Variants in RSBN1L observed in about 807,000 individuals in gnomAD.
RSBN1L encodes lysine-specific demethylase RSBN1L.
Under a neutral mutation model 67.7 loss-of-function variants are expected in RSBN1L, and 30 were observed. The ratio of observed to expected loss-of-function variants is 0.44; its 90% CI spans 0.33 to 0.60. The LOEUF is 0.60. RSBN1L is among the 20% of genes least tolerant of loss of function. RSBN1L has a pLI of 0.02. For synonymous variants in RSBN1L, 433 were observed against 387.0 expected, an observed-to-expected ratio of 1.12 and a Z score of -1.39; for missense variants, 992 against 1,031.7, an observed-to-expected ratio of 0.96 and a Z score of 0.53.
At chr7:77,748,345 G>T (rs1791510649) in intron 2 of RSBN1L, among the ~76,000 whole-genome samples, 1 of 152,148 alleles carries the variant, frequency 6.6e-6, no homozygotes, top group African/African-American at 2.4e-5. Flanking sequence ...CAGAAAAAAT[G>T]ACTTGAGTAA....
intron 1 of RSBN1L, among the ~76,000 whole-genome samples, chr7:77,701,032 C>T (rs534503502): frequency 2.0e-5 from 3 of 151,928 alleles, no homozygotes; most frequent in East Asian, 3.9e-4. Context: ...GCGGCACGCA[C>T]CTATAGTCTC....
At chr7:77,740,985 C>CTTT (rs869081974) in intron 2 of RSBN1L, among the ~76,000 whole-genome samples, 26 of 102,934 alleles carry the variant, frequency 2.5e-4, no homozygotes, top group Admixed American at 2.9e-4. Flanking sequence ...CTTTTCTTTT[C>CTTT]TTTTTTTTTT....
chr7:77,704,229 T>G (rs1283964300), intron 1 of RSBN1L, among the ~76,000 whole-genome samples: 1 of 152,226 alleles, frequency 6.6e-6, no homozygotes. Flanking sequence ...ACTAACTTTT[T>G]GAAAGAAGTT....
chr7:77,755,473 C>T (rs1482505513), intron 3 of RSBN1L, among the ~76,000 whole-genome samples: 1 of 152,004 alleles, frequency 6.6e-6, no homozygotes, highest in Non-Finnish European at 1.5e-5. Flanking sequence ...AGAGACCAGC[C>T]TGGCTAACAT....
chr7:77,767,033 TTTCCCCTTCCC>T lies in RSBN1L; in HGVS notation c.1482+1413_1482+1423del, dbSNP rs1232092127. Among the ~76,000 whole-genome samples the T allele has an allele frequency of 6.4e-5, 8 of 125,476 alleles. No homozygotes were observed. In the South Asian group the frequency reaches 9.2e-4, roughly 14 times the overall value. 82.3% of individuals were successfully genotyped at this position (125,476 alleles called of 152,430 possible). On this transcript the variant is annotated intron_variant, in intron 4 of 7. Coordinates refer to ENST00000334955, the MANE Select transcript of RSBN1L (RefSeq NM_198467.3). ...TCCTTTCCTTCCCCTTCCCCTTCCCTTTCCCCTTCCCTTCCCCTTCCCCTTCCCTTTCCCCT... is the reference window on the plus strand; with the variant it reads ...TCCTTTCCTTCCCCTTCCCCTTCCCTTTCCCCTTCCCCTTCCCTTTCCCCT...
At chr7:77,701,168 A>AAAAAAC (rs1790812622) in intron 1 of RSBN1L, among the ~76,000 whole-genome samples, 1 of 135,704 alleles carries the variant, frequency 7.4e-6, no homozygotes, top group South Asian at 2.3e-4. Context: ...AAAAAAAAAA[A>AAAAAAC]AACAACAACA....
intron 1 of RSBN1L, among the ~76,000 whole-genome samples, chr7:77,708,636 C>G (rs1790927144): frequency 6.6e-6 from 1 of 151,900 alleles, no homozygotes; most frequent in African/African-American, 2.4e-5. Context: ...CCCGCCTCGA[C>G]CTTCCAAAGT....
Position 77,778,791 on chromosome 7 carries a change from C to G in RSBN1L, c.2164C>G (p.His722Asp), listed in dbSNP as rs185698151. Residue 722 changes from histidine to aspartate, a missense_variant, in exon 8 of 8, where the codon CAC becomes GAC. By Grantham distance (81) the His-to-Asp change is moderately conservative. Transcript: ENST00000334955. ...SDSTSSVLGP[H>D]TDNMICAVSK... ...TTCCACATCATCTGTTCTTGGACCT[C>G]ACACTGACAACATGATTTGTGCTGT... The G allele has an allele frequency of 1.5e-5, 24 of 1,614,132 alleles. No homozygotes were observed. In the East Asian group the frequency reaches 5.3e-4, roughly 36 times the overall value.
chr7:77,700,399 A>G (rs1790799801), intron 1 of RSBN1L, among the ~76,000 whole-genome samples: 1 of 152,184 alleles, frequency 6.6e-6, no homozygotes. Flanking sequence ...TTTTTTCCTT[A>G]AAATGACCCT....
In RSBN1L at chr7:77,696,492, T is replaced by C. The variant is rs371919216; in HGVS notation, c.23T>C (p.Val8Ala). The change falls in exon 1 of 8, where the codon GTG (valine) becomes GCG (alanine). Residue 8 changes from valine (V) to alanine (A), a missense_variant. Val to Ala is a moderately conservative substitution (Grantham distance 64). This residue lies in a region of RSBN1L where 575 missense variants were observed against 483.2 expected (regional missense o/e 1.19). Transcript: ENST00000334955. ...AAAATGGCGGAACCGCCGAGCCCCGTGCACTGTGTCGCTGCCGCGGCCCCC... is the reference window on the plus strand; with the variant it reads ...AAAATGGCGGAACCGCCGAGCCCCGCGCACTGTGTCGCTGCCGCGGCCCCC... MAEPPSP[V>A]HCVAAAAPTA... The C allele has an allele frequency of 5.6e-6, 9 of 1,612,926 alleles. No individual in the cohort carries two copies. The African/African-American group carries it at 1.2e-4, about 22-fold the overall frequency.
At chr7:77,697,540 A>G (rs763335605) in intron 1 of RSBN1L, among the ~76,000 whole-genome samples, 6 of 152,172 alleles carry the variant, frequency 3.9e-5, no homozygotes, top group Non-Finnish European at 7.3e-5. Context: ...GCTGGAAGCT[A>G]CCAGAGGCCT....
intron 1 of RSBN1L, among the ~76,000 whole-genome samples, chr7:77,715,558 C>T (rs143787339): frequency 1.2e-4 from 18 of 152,188 alleles, no homozygotes; most frequent in Middle Eastern, 3.4e-3. Context: ...ATTCGCCTGC[C>T]GTAGCCTCTC....
chr7:77,730,191 T>C (rs2150419099), intron 1 of RSBN1L, among the ~76,000 whole-genome samples: 1 of 152,334 alleles, frequency 6.6e-6, no homozygotes. Context: ...TGTTTGCATC[T>C]GTTTCTCCCA....
Position 77,781,551 on chromosome 7 carries a change from A to G in RSBN1L, c.*2383A>G, listed in dbSNP as rs1027372285. 1 of 152,222 alleles carries G rather than the reference A, an allele frequency of 6.6e-6. No individual in the cohort carries two copies. The highest frequency in any genetic ancestry group is 2.4e-5 in the African/African-American group (1 of 41,454). The allele number at this position is 152,222 out of a possible 1,614,324, so 9.4% of individuals were successfully genotyped here. ...TACTGTGAGAAAATGTCTTTAGGGT[A>G]TCCCTCCAAAATAGGAGCCTTAAAC... On this transcript the variant is annotated 3_prime_UTR_variant, in exon 8 of 8. Transcript: ENST00000334955.
chr7:77,733,683 G>A (rs188063172), intron 1 of RSBN1L, among the ~76,000 whole-genome samples: 6 of 151,876 alleles, frequency 4.0e-5, no homozygotes, highest in African/African-American at 1.2e-4. Context: ...TTTGTTTTTG[G>A]AATGTATGTA....
chr7:77,765,379 A>T lies in RSBN1L; in HGVS notation c.1345-116A>T. On this transcript the variant is annotated intron_variant, in intron 3 of 7. Coordinates refer to ENST00000334955, the MANE Select transcript of RSBN1L (RefSeq NM_198467.3). ...TTATGATATAATATTCTGAGATAAT[A>T]ATTTATTGCTACAAAATGATAGCAA... 3.6e-6 allele frequency: 3 copies of T among 824,484 alleles called. No homozygotes were observed. The South Asian group carries it at 9.8e-5, about 27-fold the overall frequency. 51.1% of individuals were successfully genotyped at this position (824,484 alleles called of 1,614,324 possible).
At chr7:77,771,826 A>AT (rs11406602) in intron 5 of RSBN1L, among the ~76,000 whole-genome samples, 83,237 of 150,990 alleles carry the variant, frequency 0.55, 24,207 homozygotes, top group African/African-American at 0.75. Flanking sequence ...GTGATTCTTA[A>AT]TTTTTTTTTC....
In RSBN1L at chr7:77,765,649, C is replaced by A; in HGVS notation, c.1482+17C>A. 1 of 1,550,976 alleles carries A rather than the reference C, an allele frequency of 6.4e-7. No homozygotes were observed. The highest frequency in any genetic ancestry group is 8.7e-7 in the Non-Finnish European group (1 of 1,144,680). The stretch of plus-strand genomic sequence containing the variant: ...TTTTTAAAAGTAAGAGACAATCTGT[C>A]ATGGGATTAGAGTTTTTTTTTTAAA... On this transcript the variant is annotated intron_variant, in intron 4 of 7. Transcript: ENST00000334955.
At chr7:77,717,985 C>G (rs185592741) in intron 1 of RSBN1L, among the ~76,000 whole-genome samples, 1 of 152,208 alleles carries the variant, frequency 6.6e-6, no homozygotes, top group African/African-American at 2.4e-5. Context: ...TGCTGCTGCA[C>G]TCCAGTCGGG....
Sources: gnomAD v4.1 joint callset for allele counts (sites outside exome capture counted in the v4.1 genomes callset) on GRCh38, gnomAD v4.1.1 for gene constraint, gnomAD v4.1.1 regional missense constraint, MANE v1.5 for transcripts, NCBI Gene and HGNC (gene_info 2026-07-23, HGNC 2026-07-21) for gene names.